MLIP: variants seen among roughly 807,000 people sequenced by gnomAD.
The protein encoded by MLIP is muscular LMNA interacting protein.
MLIP carries 79 observed loss-of-function variants against 84.8 expected under a neutral mutation model. The observed-to-expected ratio is 0.93, with a 90% CI of 0.78 to 1.12. The LOEUF is 1.12. Ranked by LOEUF, MLIP falls within the 50% of genes most tolerant of loss-of-function variation. The probability of loss-of-function intolerance (pLI) is 0.00; values close to 1 mark genes in which losing one functional copy is unlikely to be tolerated. For synonymous variants in MLIP, 504 were observed against 463.0 expected, an observed-to-expected ratio of 1.09 and a Z score of -1.14; for missense variants, 1,257 against 1,160.6, an observed-to-expected ratio of 1.08 and a Z score of -1.21.
chr6:54,192,015 A>AT (rs1175239481), intron 10 of MLIP, among the ~76,000 whole-genome samples: 2 of 150,816 alleles, frequency 1.3e-5, no homozygotes, highest in African/African-American at 2.4e-5. Context: ...ATATATAATG[A>AT]TTTTATAAAA....
chr6:54,210,845 AT>A (rs1046117112), intron 11 of MLIP, among the ~76,000 whole-genome samples: 3 of 152,022 alleles, frequency 2.0e-5, no homozygotes, highest in African/African-American at 4.8e-5. Flanking sequence ...AAGATCTTTA[AT>A]TTTTTTTAAC....
intron 12 of MLIP, among the ~76,000 whole-genome samples, chr6:54,251,666 T>C (rs1336570764): frequency 9.2e-6 from 1 of 109,174 alleles, no homozygotes; most frequent in Non-Finnish European, 1.6e-5. Flanking sequence ...AATATAAATA[T>C]ATATTATAAC....
chr6:54,050,795 G>A (rs749034856), intron 1 of MLIP, among the ~76,000 whole-genome samples: 3 of 152,090 alleles, frequency 2.0e-5, no homozygotes, highest in Non-Finnish European at 2.9e-5. Context: ...TACACTCTGA[G>A]GTTTTGAGAA....
chr6:54,057,144 A>AATT (rs1561898397), intron 1 of MLIP, among the ~76,000 whole-genome samples: 4 of 152,140 alleles, frequency 2.6e-5, no homozygotes, highest in Admixed American at 2.6e-4. Context: ...AAGCACTGAG[A>AATT]AATTAAATGA....
chr6:54,191,081 C>T (rs1198256660), intron 10 of MLIP, among the ~76,000 whole-genome samples: 1 of 152,068 alleles, frequency 6.6e-6, no homozygotes, highest in African/African-American at 2.4e-5. Context: ...AGGTGTGAGC[C>T]ATCGCGCCCG....
At chr6:54,200,477 A>G (rs755942056) in intron 10 of MLIP, among the ~76,000 whole-genome samples, 2 of 152,084 alleles carry the variant, frequency 1.3e-5, no homozygotes, top group African/African-American at 4.8e-5. Context: ...TAGGAGAAGA[A>G]GAAAGAAGAA....
At chr6:54,262,481 TTGGGATGACAATC>T (rs1271611743) in intron 13 of MLIP, among the ~76,000 whole-genome samples, 2 of 152,044 alleles carry the variant, frequency 1.3e-5, no homozygotes, top group Non-Finnish European at 2.9e-5. Context: ...CACCTGGAAT[TTGGGATGACAATC>T]TGTGTCTGGC....
intron 10 of MLIP, among the ~76,000 whole-genome samples, chr6:54,191,826 G>T (rs1281734980): frequency 6.6e-6 from 1 of 151,814 alleles, no homozygotes; most frequent in Non-Finnish European, 1.5e-5. Flanking sequence ...GTAATATATG[G>T]AAATGAATGT....
intron 1 of MLIP, among the ~76,000 whole-genome samples, chr6:54,055,801 T>TG (rs1765628887): frequency 6.6e-6 from 1 of 152,106 alleles, no homozygotes; most frequent in Non-Finnish European, 1.5e-5. Context: ...GATCAGGGAC[T>TG]GCCGAGAAGG....
At chr6:54,082,170 A>G (rs1248561999) in intron 1 of MLIP, among the ~76,000 whole-genome samples, 1 of 152,162 alleles carries the variant, frequency 6.6e-6, no homozygotes, top group African/African-American at 2.4e-5. Flanking sequence ...TAATACATAT[A>G]ATTCTAGGTA....
chr6:54,250,585 T>C lies in MLIP; in HGVS notation c.2923-6723T>C, dbSNP rs368491081. Among the ~76,000 whole-genome samples, 55 of 152,236 alleles carry C rather than the reference T, an allele frequency of 3.6e-4. 1 individual carries two copies. Among genetic ancestry groups the C allele is most frequent in the Admixed American group, 1.3e-3 (20 of 15,254 alleles). The stretch of plus-strand genomic sequence containing the variant: ...GAAAACTCATATTTAACAGTGTTCA[T>C]TCATTTAATAAGCACTTTCAAGGGC... On this transcript the variant is annotated intron_variant, in intron 12 of 13. Transcript: ENST00000502396.
chr6:54,110,044 G>A (rs376372972), upstream of MLIP, among the ~76,000 whole-genome samples: 6 of 144,670 alleles, frequency 4.1e-5, no homozygotes, highest in Admixed American at 7.0e-5. Context: ...GTGCAGTGGC[G>A]CGATATTGGC....
intron 1 of MLIP, among the ~76,000 whole-genome samples, chr6:54,078,641 C>T (rs1766949097): frequency 6.6e-6 from 1 of 151,304 alleles, no homozygotes; most frequent in Non-Finnish European, 1.5e-5. Flanking sequence ...GCACAATGGA[C>T]TAAATCTGAA....
intron 11 of MLIP, among the ~76,000 whole-genome samples, chr6:54,204,934 C>A (rs1471619634): frequency 1.3e-5 from 2 of 152,172 alleles, no homozygotes; most frequent in African/African-American, 4.8e-5. Flanking sequence ...AGACAATGCA[C>A]TGTCAGAATT....
At chr6:54,090,172 A>C (rs1767769491) in intron 1 of MLIP, among the ~76,000 whole-genome samples, 1 of 152,116 alleles carries the variant, frequency 6.6e-6, no homozygotes, top group African/African-American at 2.4e-5. Context: ...CCTCTCAAGC[A>C]TCAGAGGGAA....
chr6:54,092,306 A>G (rs1767922015), intron 1 of MLIP, among the ~76,000 whole-genome samples: 1 of 152,178 alleles, frequency 6.6e-6, no homozygotes, highest in South Asian at 2.1e-4. Flanking sequence ...AATGCAAATC[A>G]TAATTATTGG....
At chr6:54,177,415 A>G (rs1776399720) in intron 9 of MLIP, among the ~76,000 whole-genome samples, 1 of 152,156 alleles carries the variant, frequency 6.6e-6, no homozygotes, top group African/African-American at 2.4e-5. Flanking sequence ...AAAAGAAGAC[A>G]TTTAGGCAGC....
chr6:54,117,211 C>CTTTTTTTTTTTTTTTTT (rs200691416), intron 1 of MLIP, among the ~76,000 whole-genome samples: 1 of 117,830 alleles, frequency 8.5e-6, no homozygotes. Context: ...CTATTTCTGT[C>CTTTTTTTTTTTTTTTTT]TTTTTTTTTT....
At chr6:54,262,953 T>C (rs534969507) in intron 13 of MLIP, among the ~76,000 whole-genome samples, 22 of 152,176 alleles carry the variant, frequency 1.4e-4, no homozygotes, top group African/African-American at 4.8e-4. Flanking sequence ...ACAGGTCTCA[T>C]TTATTTTTCT....
Sources: gnomAD v4.1 joint callset for allele counts (sites outside exome capture counted in the v4.1 genomes callset) on GRCh38, gnomAD v4.1.1 for gene constraint, MANE v1.5 for transcripts, NCBI Gene and HGNC (gene_info 2026-07-23, HGNC 2026-07-21) for gene names.